GUCY1A2: variants seen among roughly 807,000 people sequenced by gnomAD.
GUCY1A2 encodes the protein guanylate cyclase 1 soluble subunit alpha 2.
In GUCY1A2, 27 loss-of-function variants were observed where a neutral mutation model predicts 63.5. That is an observed-to-expected ratio of 0.43 (90% CI 0.31 to 0.59). GUCY1A2 has a LOEUF of 0.59. Ranked by LOEUF, GUCY1A2 falls within the 20% of genes least tolerant of loss-of-function variation. GUCY1A2 has a pLI of 0.11. For missense variants in GUCY1A2, 768 were observed against 913.3 expected (o/e 0.84, Z 2.05); for synonymous variants, 364 against 343.5 (o/e 1.06, Z -0.66).
chr11:106,978,107 A>C (rs1245982723), intron 3 of GUCY1A2, among the ~76,000 whole-genome samples: 2 of 152,068 alleles, frequency 1.3e-5, no homozygotes, highest in East Asian at 3.9e-4. Flanking sequence ...CATAAGTACA[A>C]ATATCTTTAA....
intron 3 of GUCY1A2, among the ~76,000 whole-genome samples, chr11:106,957,117 G>T (rs975871663): frequency 6.6e-6 from 1 of 152,182 alleles, no homozygotes; most frequent in Non-Finnish European, 1.5e-5. Context: ...GGAGCAAGTC[G>T]TCCAGCCTCC....
rs982852488 is a variant in GUCY1A2, at chr11:107,012,469, T to C, written c.303+5284A>G. ...GCTTTAAGAAGAATATTCCTCCTTA[T>C]ACACAACAAACCTACAAGGTAGTTG... On this transcript the variant is annotated intron_variant, in intron 1 of 7. Transcript: ENST00000526355. Among the ~76,000 whole-genome samples, 8 of 152,282 alleles carry C rather than the reference T, an allele frequency of 5.3e-5. No individual in the cohort carries two copies. In the East Asian group the frequency reaches 9.6e-4, roughly 18 times the overall value.
At chr11:106,713,978 G>A (rs775324423) in intron 6 of GUCY1A2, among the ~76,000 whole-genome samples, 2 of 149,334 alleles carry the variant, frequency 1.3e-5, no homozygotes, top group Non-Finnish European at 3.0e-5. Flanking sequence ...GCAGAAGTGA[G>A]TATTACACTG....
intron 5 of GUCY1A2, among the ~76,000 whole-genome samples, chr11:106,786,445 G>T (rs2135409286): frequency 6.6e-6 from 1 of 152,226 alleles, no homozygotes; most frequent in African/African-American, 2.4e-5. Flanking sequence ...GAAGGAAAAT[G>T]GATTCCAAAT....
intron 4 of GUCY1A2, among the ~76,000 whole-genome samples, chr11:106,822,749 T>G (rs1457970083): frequency 6.6e-6 from 1 of 152,236 alleles, no homozygotes; most frequent in Non-Finnish European, 1.5e-5. Context: ...TTTTAACTCC[T>G]GTACTCATCA....
chr11:106,708,137 A>G (rs977834913), intron 7 of GUCY1A2, among the ~76,000 whole-genome samples: 2 of 151,968 alleles, frequency 1.3e-5, no homozygotes, highest in Non-Finnish European at 2.9e-5. Context: ...CAGTCCAACC[A>G]CCTTTTCTAT....
At chr11:106,885,077 C>G (rs1859880534) in intron 4 of GUCY1A2, among the ~76,000 whole-genome samples, 1 of 152,114 alleles carries the variant, frequency 6.6e-6, no homozygotes, top group African/African-American at 2.4e-5. Context: ...AAATTATAAA[C>G]TATGTCCTTT....
intron 4 of GUCY1A2, chr11:106,827,044 C>T (rs531104868): frequency 6.3e-7 from 1 of 1,585,218 alleles, no homozygotes; most frequent in Admixed American, 1.7e-5. Flanking sequence ...CGTATGGTCT[C>T]TTGGAAAAGT....
At chr11:106,827,962 C>A in intron 4 of GUCY1A2, 2 of 939,794 alleles carry the variant, frequency 2.1e-6, no homozygotes, top group Non-Finnish European at 3.4e-6. Flanking sequence ...GGAGAGGAAG[C>A]AGCCGCGAGG....
At chr11:106,728,661 T>C (rs1331294287) in intron 6 of GUCY1A2, among the ~76,000 whole-genome samples, 1 of 152,218 alleles carries the variant, frequency 6.6e-6, no homozygotes, top group East Asian at 1.9e-4. Flanking sequence ...TTACTATATA[T>C]AACTACTCTG....
intron 5 of GUCY1A2, among the ~76,000 whole-genome samples, chr11:106,781,727 C>CTT (rs35371316): frequency 0.046 from 6,488 of 142,100 alleles, 130 homozygotes; most frequent in East Asian, 0.089. Flanking sequence ...CCATGCCTGC[C>CTT]TTTTTTTTTT....
intron 4 of GUCY1A2, among the ~76,000 whole-genome samples, chr11:106,867,056 C>T (rs554228418): frequency 6.6e-6 from 1 of 151,874 alleles, no homozygotes; most frequent in East Asian, 1.9e-4. Flanking sequence ...ACCAAGTTTC[C>T]CCCAAATTAA....
intron 5 of GUCY1A2, among the ~76,000 whole-genome samples, chr11:106,808,290 A>C (rs560519946): frequency 6.6e-6 from 1 of 152,232 alleles, no homozygotes; most frequent in East Asian, 1.9e-4. Context: ...ATATTTATAT[A>C]AACATTTTGT....
chr11:106,813,250 C>T (rs888798550), intron 4 of GUCY1A2, among the ~76,000 whole-genome samples: 1 of 151,868 alleles, frequency 6.6e-6, no homozygotes, highest in Non-Finnish European at 1.5e-5. Flanking sequence ...CAGAAATTGG[C>T]AAGCATAACA....
intron 4 of GUCY1A2, among the ~76,000 whole-genome samples, chr11:106,925,422 C>T (rs184441261): frequency 5.9e-5 from 9 of 152,144 alleles, no homozygotes; most frequent in Admixed American, 2.0e-4. Flanking sequence ...TTTAAATTAT[C>T]CTCAGTTATG....
intron 6 of GUCY1A2, among the ~76,000 whole-genome samples, chr11:106,773,984 T>G (rs1165074257): frequency 6.6e-6 from 1 of 152,166 alleles, no homozygotes; most frequent in Non-Finnish European, 1.5e-5. Flanking sequence ...TAATATGAAT[T>G]TTTACATTTA....
At chr11:106,709,791 A>ATTATATACACGTATAGAATATATAG (rs1863051170) in intron 6 of GUCY1A2, among the ~76,000 whole-genome samples, 4 of 113,596 alleles carry the variant, frequency 3.5e-5, no homozygotes, top group Non-Finnish European at 7.4e-5. Context: ...ATAGTTATAT[A>ATTATATACACGTATAGAATATATAG]TTATATACAC....
intron 3 of GUCY1A2, among the ~76,000 whole-genome samples, chr11:106,962,667 T>C (rs1426498775): frequency 6.6e-6 from 1 of 151,528 alleles, no homozygotes; most frequent in Non-Finnish European, 1.5e-5. Flanking sequence ...ATGTCCTGCA[T>C]ATGTTTGCTT....
At chr11:106,862,232 T>A (rs1859522763) in intron 4 of GUCY1A2, among the ~76,000 whole-genome samples, 1 of 152,048 alleles carries the variant, frequency 6.6e-6, no homozygotes, top group South Asian at 2.1e-4. Context: ...AAGTATCTAT[T>A]ACTCACTGAC....
Sources: gnomAD v4.1 joint callset for allele counts (sites outside exome capture counted in the v4.1 genomes callset) on GRCh38, gnomAD v4.1.1 for gene constraint, MANE v1.5 for transcripts, NCBI Gene and HGNC (gene_info 2026-07-23, HGNC 2026-07-21) for gene names.